The following LAMC3 variants were observed in gnomAD, a reference collection of about 807,000 sequenced individuals.
The protein encoded by LAMC3 is laminin subunit gamma-3.
LAMC3 carries 128 observed loss-of-function variants against 173.8 expected under a neutral mutation model. The ratio of observed to expected loss-of-function variants is 0.74; its 90% CI spans 0.64 to 0.85. The LOEUF is 0.85. Ranked by LOEUF, LAMC3 falls within the 40% of genes least tolerant of loss-of-function variation. LAMC3 has a pLI of 0.00. For missense variants in LAMC3, 2,022 were observed against 2,156.0 expected (o/e 0.94, Z 1.23); for synonymous variants, 897 against 909.1 (o/e 0.99, Z 0.24).
rs1020139879 is a variant in LAMC3, at chr9:131,071,397, G to A, written c.3070-87G>A. The A allele has an allele frequency of 4.7e-6, 7 of 1,488,260 alleles. No homozygotes were observed. In the South Asian group the frequency reaches 8.2e-5, roughly 17 times the overall value. 92.2% of individuals were successfully genotyped at this position (1,488,260 alleles called of 1,614,324 possible). Reference sequence around the variant, plus strand: ...ATTTGGAGAAGGGAACCCCCAGGGAGAGTGGCAGGGTAGAAGCCAGCGGGA... The same window carrying A: ...ATTTGGAGAAGGGAACCCCCAGGGAAAGTGGCAGGGTAGAAGCCAGCGGGA... On this transcript the variant is annotated intron_variant, in intron 17 of 27. Transcript: ENST00000361069.
chr9:131,085,772 A>T, intron 25 of LAMC3, 49 bp downstream of exon 25: 6 of 1,570,606 alleles, frequency 3.8e-6, no homozygotes, highest in Non-Finnish European at 5.3e-6. Flanking sequence ...TCCCGGGGGG[A>T]CCGCCCTTCC....
At position 131,041,707 on chromosome 9, in the gene LAMC3, G is replaced by A. The variant is rs1834061282; in HGVS notation, c.1354G>A (p.Glu452Lys). ...CCGCAGTGGGCGCTGCCCCTGCAAA[G>A]AGAATGTGGAAGGCAACCTATGTGA... ...DPRSGRCPCK[E>K]NVEGNLCDRC... is the part of the protein sequence containing the mutation. The change falls in exon 7 of 28, where the codon GAG (glutamate) becomes AAG (lysine). Residue 452 changes from glutamate (E) to lysine (K), a missense_variant. Transcript: ENST00000361069. 6.2e-7 allele frequency: 1 copy of A among 1,613,854 alleles called. No individual in the cohort carries two copies. The highest frequency in any genetic ancestry group is 1.7e-5 in the Admixed American group (1 of 60,006).
rs1257358773 is a variant in LAMC3 at position 131,082,017 on chromosome 9, C to G, written c.3928-42C>G. On this transcript the variant is annotated intron_variant, in intron 23 of 27. Coordinates refer to ENST00000361069, the MANE Select transcript of LAMC3 (RefSeq NM_006059.4). ...CACTGAGCTGCCCCTGGGCCCTGCT[C>G]CTGTGGAGCCAGCTGCCCAGCCTCT... 3.3e-6 allele frequency: 5 copies of G among 1,527,262 alleles called. No individual in the cohort carries two copies. In the Admixed American group the frequency reaches 6.8e-5, roughly 21 times the overall value. 94.6% of individuals were successfully genotyped at this position (1,527,262 alleles called of 1,614,324 possible).
chr9:131,068,142 A>ATGCTCCTGCCTGCC lies in LAMC3; in HGVS notation c.2660_2673dup (p.His892AlafsTer7). On this transcript the variant is annotated frameshift_variant, in exon 15 of 28. Coordinates refer to ENST00000361069, the MANE Select transcript of LAMC3 (RefSeq NM_006059.4). LOFTEE classifies it high-confidence loss of function. ...TGCCCTGCGACCCAGTGACAGGCCAATGCTCCTGCCTGCCTCATGTGACTG... is the reference window on the plus strand; with the variant it reads ...TGCCCTGCGACCCAGTGACAGGCCAATGCTCCTGCCTGCCTGCTCCTGCCTGCCTCATGTGACTG... 1 of 1,613,308 alleles carries ATGCTCCTGCCTGCC rather than the reference A, an allele frequency of 6.2e-7. No homozygotes were observed.
chr9:131,051,014 C>G (rs569183074), intron 9 of LAMC3, among the ~76,000 whole-genome samples: 3 of 152,188 alleles, frequency 2.0e-5, no homozygotes, highest in Admixed American at 1.3e-4. Flanking sequence ...CGGGGCTCCC[C>G]GCTTCAGGCC....
At chr9:131,034,505 G>A (rs1415258271) in intron 3 of LAMC3, among the ~76,000 whole-genome samples, 2 of 152,264 alleles carry the variant, frequency 1.3e-5, no homozygotes, top group Non-Finnish European at 2.9e-5. Flanking sequence ...GTGGCTTAAG[G>A]GAGCCACTGA....
In LAMC3 at chr9:131,072,806, C is replaced by T. The variant is rs1830059385; in HGVS notation, c.3388C>T (p.Leu1130=). The T allele has an allele frequency of 6.2e-7, 1 of 1,612,492 alleles. No homozygotes were observed. The highest frequency in any genetic ancestry group is 2.2e-5 in the East Asian group (1 of 44,862). ...GCTGGAGTCCTCGGAAGAGGAGATTCTGCATGCAGCTGCCATTCTCGCGTC... is the reference window on the plus strand; with the variant it reads ...GCTGGAGTCCTCGGAAGAGGAGATTTTGCATGCAGCTGCCATTCTCGCGTC... The part of the protein sequence containing the change: ...AVLESSEEEI[L]HAAAILASLE... Residue 1130 remains leucine (L), a synonymous_variant, in exon 19 of 28, where the codon CTG becomes TTG. Transcript: ENST00000361069.
At position 131,082,058 on chromosome 9, in the gene LAMC3, G is replaced by A; in HGVS notation, c.3928-1G>A. On this transcript the variant is annotated splice_acceptor_variant, in intron 23 of 27. Coordinates refer to ENST00000361069, the MANE Select transcript of LAMC3 (RefSeq NM_006059.4). LOFTEE classifies it high-confidence loss of function. Reference sequence around the variant, plus strand: ...CCCAGCCTCTCCTCATCTCTCTCCAGCTGCACCAGGAGGCCAGAGCCGCCC... The same window carrying A: ...CCCAGCCTCTCCTCATCTCTCTCCAACTGCACCAGGAGGCCAGAGCCGCCC... 7 of 1,613,062 alleles carry A rather than the reference G, an allele frequency of 4.3e-6. No homozygotes were observed. The highest frequency in any genetic ancestry group is 5.9e-6 in the Non-Finnish European group (7 of 1,179,338).
At chr9:131,045,957 C>T (rs1834147034) in intron 8 of LAMC3, among the ~76,000 whole-genome samples, 1 of 152,198 alleles carries the variant, frequency 6.6e-6, no homozygotes, top group Non-Finnish European at 1.5e-5. Flanking sequence ...TTGAGACTGG[C>T]CTCCCTTGGT....
At chr9:131,064,580 G>C (rs1012799147) in intron 13 of LAMC3, among the ~76,000 whole-genome samples, 1 of 151,474 alleles carries the variant, frequency 6.6e-6, no homozygotes, top group Non-Finnish European at 1.5e-5. Flanking sequence ...GGAGAATGGC[G>C]TGAACCCCGG....
chr9:131,076,773 G>A (rs1185445105), intron 21 of LAMC3, among the ~76,000 whole-genome samples: 1 of 152,228 alleles, frequency 6.6e-6, no homozygotes, highest in Non-Finnish European at 1.5e-5. Flanking sequence ...TTCATCAGTG[G>A]TGAGGACGTG....
intron 20 of LAMC3, among the ~76,000 whole-genome samples, chr9:131,074,813 A>G (rs1023884852): frequency 2.0e-5 from 3 of 152,158 alleles, no homozygotes; most frequent in Non-Finnish European, 4.4e-5. Context: ...ATGAGAAAAC[A>G]TTCAGAGAAG....
At position 131,061,205 on chromosome 9, in the gene LAMC3, T is replaced by C. The variant is rs1243451978; in HGVS notation, c.2329T>C (p.Cys777Arg). ...GAGCCGGGAGGTGGTGTGTACCCAC[T>C]GCCCCCCGGGCCAGAGAGGTAAGTG... The part of the protein sequence containing the change: ...PESREVVCTH[C>R]PPGQRGRRCE... The change falls in exon 13 of 28, where the codon TGC (cysteine) becomes CGC (arginine). Residue 777 changes from cysteine (C) to arginine (R), a missense_variant. By Grantham distance (180) the Cys-to-Arg change is radical (BLOSUM62 -3). Coordinates refer to ENST00000361069, the MANE Select transcript of LAMC3 (RefSeq NM_006059.4). 6.2e-7 allele frequency: 1 copy of C among 1,608,354 alleles called. No individual in the cohort carries two copies. The highest frequency in any genetic ancestry group is 1.7e-5 in the Admixed American group (1 of 59,978).
chr9:131,088,363 A>G (rs895339129), intron 27 of LAMC3, among the ~76,000 whole-genome samples: 5 of 152,174 alleles, frequency 3.3e-5, no homozygotes, highest in Middle Eastern at 3.4e-3. Context: ...AGCGCTTACC[A>G]CGGTGCGTGG....
chr9:131,037,895 A>G (rs1833973727), intron 4 of LAMC3, among the ~76,000 whole-genome samples: 1 of 152,210 alleles, frequency 6.6e-6, no homozygotes, highest in South Asian at 2.1e-4. Context: ...ACGGCAGCCC[A>G]GCCTCCCTGG....
rs1308054971 is a variant in LAMC3, at chr9:131,068,892, C to T, written c.2748-16C>T. 10 of 1,613,712 alleles carry T rather than the reference C, an allele frequency of 6.2e-6. No homozygotes were observed. The highest frequency in any genetic ancestry group is 1.1e-5 in the South Asian group (1 of 91,070). ...CCCTGAGCTTGCCTCAGACCCAGTT[C>T]CTTCCCTGATCACAGCTGCAAGTGT... On this transcript the variant is annotated splice_polypyrimidine_tract_variant and intron_variant, in intron 15 of 27. Transcript: ENST00000361069.
Position 131,036,429 on chromosome 9 carries a change from G to C in LAMC3, c.976+97G>C, listed in dbSNP as rs952760203. The C allele has an allele frequency of 2.6e-5, 37 of 1,422,534 alleles. No homozygotes were observed. In the Middle Eastern group the frequency reaches 1.2e-3, roughly 45 times the overall value. 88.1% of individuals were successfully genotyped at this position (1,422,534 alleles called of 1,614,324 possible). On this transcript the variant is annotated intron_variant, in intron 4 of 27. Coordinates refer to ENST00000361069, the MANE Select transcript of LAMC3 (RefSeq NM_006059.4). The stretch of plus-strand genomic sequence containing the variant: ...AAACGTCGTGGTGGGGGCTGCTCCT[G>C]GGTACGCCCCGGGGGCAGCTCGGGG...
At chr9:131,011,177 G>T (rs1444478136) in intron 1 of LAMC3, among the ~76,000 whole-genome samples, 2 of 152,198 alleles carry the variant, frequency 1.3e-5, no homozygotes, top group Admixed American at 1.3e-4. Flanking sequence ...CCCACTGGGG[G>T]TATTAGCACA....
chr9:131,038,437 T>G (rs975901742), intron 4 of LAMC3, among the ~76,000 whole-genome samples: 1 of 152,114 alleles, frequency 6.6e-6, no homozygotes, highest in East Asian at 1.9e-4. Flanking sequence ...AAATGAAAGG[T>G]GACTTGTGCT....
Sources: allele counts gnomAD v4.1 joint callset (sites outside exome capture counted in the v4.1 genomes callset), GRCh38; gene constraint gnomAD v4.1.1; transcripts MANE v1.5; gene names NCBI Gene and HGNC (gene_info 2026-07-23, HGNC 2026-07-21).